The following NEDD9 variants were observed in gnomAD, a reference collection of about 807,000 sequenced individuals.
The protein encoded by NEDD9 is enhancer of filamentation 1.
Under a neutral mutation model 76.6 loss-of-function variants are expected in NEDD9, and 26 were observed. That is an observed-to-expected ratio of 0.34 (90% CI 0.25 to 0.47). The LOEUF (loss-of-function observed/expected upper bound fraction) is 0.47, where lower values mean the gene tolerates loss of function less well. Ranked by LOEUF, NEDD9 falls within the 20% of genes least tolerant of loss-of-function variation. NEDD9 has a pLI of 1.00. For missense variants in NEDD9, 937 were observed against 1,058.5 expected (o/e 0.89, Z 1.59); for synonymous variants, 392 against 414.2 (o/e 0.95, Z 0.65).
chr6:11,264,891 G>T (rs1760176659), intron 3 of NEDD9, among the ~76,000 whole-genome samples: 1 of 151,790 alleles, frequency 6.6e-6, no homozygotes, highest in South Asian at 2.1e-4. Flanking sequence ...AGAGATGGGG[G>T]TCTTACTGTA....
At chr6:11,278,789 A>G (rs1040351179) in intron 3 of NEDD9, among the ~76,000 whole-genome samples, 1 of 152,198 alleles carries the variant, frequency 6.6e-6, no homozygotes, top group East Asian at 1.9e-4. Flanking sequence ...AGATTTCAGC[A>G]TGCTGCCAAC....
intron 3 of NEDD9, among the ~76,000 whole-genome samples, chr6:11,245,643 A>T (rs981379748): frequency 6.6e-6 from 1 of 151,842 alleles, no homozygotes; most frequent in Admixed American, 6.6e-5. Context: ...TGGGGGAAAA[A>T]AATCACACCG....
At chr6:11,268,241 C>G (rs906260382) in intron 3 of NEDD9, among the ~76,000 whole-genome samples, 2 of 151,908 alleles carry the variant, frequency 1.3e-5, no homozygotes, top group African/African-American at 2.4e-5. Context: ...GCCATGTTAC[C>G]TAGGCTGGTC....
At chr6:11,189,697 C>A (rs1758080130) in intron 5 of NEDD9, among the ~76,000 whole-genome samples, 1 of 152,074 alleles carries the variant, frequency 6.6e-6, no homozygotes, top group Admixed American at 6.6e-5. Context: ...ATTCATTTTG[C>A]AAATGAGGAA....
At chr6:11,268,415 G>T (rs895475957) in intron 3 of NEDD9, among the ~76,000 whole-genome samples, 1 of 151,778 alleles carries the variant, frequency 6.6e-6, no homozygotes, top group African/African-American at 2.4e-5. Context: ...AGTCAAAATT[G>T]TTGGCTTTTA....
At chr6:11,300,083 T>C (rs1761007456) in intron 3 of NEDD9, among the ~76,000 whole-genome samples, 1 of 152,178 alleles carries the variant, frequency 6.6e-6, no homozygotes, top group African/African-American at 2.4e-5. Context: ...GAGCATGTTC[T>C]AACCCATTGC....
intron 2 of NEDD9, among the ~76,000 whole-genome samples, chr6:11,319,526 T>TCACACA (rs572569425): frequency 2.5e-5 from 3 of 118,908 alleles, no homozygotes; most frequent in African/African-American, 9.5e-5. Flanking sequence ...ACATGCACAC[T>TCACACA]CACACTAACA....
chr6:11,233,951 A>G (rs1759549177), upstream of NEDD9, among the ~76,000 whole-genome samples: 1 of 152,114 alleles, frequency 6.6e-6, no homozygotes, highest in Non-Finnish European at 1.5e-5. Context: ...CAAATTCCCA[A>G]TGGATGAAAA....
chr6:11,261,292 T>A (rs1403208642), intron 3 of NEDD9, among the ~76,000 whole-genome samples: 1 of 152,228 alleles, frequency 6.6e-6, no homozygotes, highest in Admixed American at 6.5e-5. Flanking sequence ...AGGGAAGTTA[T>A]TAACTCCATT....
chr6:11,303,232 A>G (rs1582010501), intron 3 of NEDD9, among the ~76,000 whole-genome samples: 2 of 152,222 alleles, frequency 1.3e-5, no homozygotes, highest in South Asian at 2.1e-4. Context: ...ATAGACAAAC[A>G]GAGAGCCAAA....
intron 4 of NEDD9, 34 bp from the exon 5 acceptor site, chr6:11,191,239 T>A: frequency 6.5e-7 from 1 of 1,536,814 alleles, no homozygotes. Context: ...ATGCTATTTA[T>A]TGAGTTGGCT....
At chr6:11,337,814 C>T (rs1309021073) in intron 1 of NEDD9, among the ~76,000 whole-genome samples, 3 of 152,202 alleles carry the variant, frequency 2.0e-5, no homozygotes, top group African/African-American at 7.2e-5. Flanking sequence ...CTCCAACAAG[C>T]TGTTGTTCTT....
At chr6:11,317,038 C>T (rs1329879706) in intron 2 of NEDD9, among the ~76,000 whole-genome samples, 4 of 152,084 alleles carry the variant, frequency 2.6e-5, no homozygotes, top group Non-Finnish European at 5.9e-5. Flanking sequence ...GTCTGAGATT[C>T]AGAGAGAGAG....
chr6:11,345,600 G>T (rs1344838412), intron 1 of NEDD9, among the ~76,000 whole-genome samples: 2 of 152,148 alleles, frequency 1.3e-5, no homozygotes, highest in East Asian at 1.9e-4. Context: ...ACTTCCAGGG[G>T]AACCTTAGAT....
chr6:11,310,065 C>T (rs762074966), intron 2 of NEDD9, among the ~76,000 whole-genome samples: 2 of 152,128 alleles, frequency 1.3e-5, no homozygotes, highest in African/African-American at 4.8e-5. Context: ...GTGTGTGTCC[C>T]CAGAGCATGC....
At chr6:11,205,897 G>A (rs765374319) in intron 2 of NEDD9, among the ~76,000 whole-genome samples, 14 of 152,102 alleles carry the variant, frequency 9.2e-5, no homozygotes, top group Non-Finnish European at 1.6e-4. Context: ...CAAAGTGCTG[G>A]AATTACAGGC....
intron 3 of NEDD9, chr6:11,249,154 CTT>C (rs1561805895): frequency 1.1e-5 from 5 of 456,018 alleles, no homozygotes; most frequent in Non-Finnish European, 2.2e-5. Flanking sequence ...AACCAATGGA[CTT>C]TGAGTAAAGC....
chr6:11,380,468 G>A (rs1036717010), intron 1 of NEDD9, among the ~76,000 whole-genome samples: 1 of 152,214 alleles, frequency 6.6e-6, no homozygotes, highest in South Asian at 2.1e-4. Flanking sequence ...GTTCATTTCT[G>A]GGAATTTTCG....
chr6:11,314,537 G>A (rs1230771558), intron 2 of NEDD9, among the ~76,000 whole-genome samples: 1 of 152,166 alleles, frequency 6.6e-6, no homozygotes, highest in Non-Finnish European at 1.5e-5. Flanking sequence ...GAGCAAGGCA[G>A]CTTTTATGCC....
Sources: allele counts gnomAD v4.1 joint callset (sites outside exome capture counted in the v4.1 genomes callset), GRCh38; gene constraint gnomAD v4.1.1; transcripts MANE v1.5; gene names NCBI Gene and HGNC (gene_info 2026-07-23, HGNC 2026-07-21).